The following LARP1B variants were observed in gnomAD, a reference collection of about 807,000 sequenced individuals.
The protein encoded by LARP1B is la-related protein 1B.
In LARP1B, 76 loss-of-function variants were observed where a neutral mutation model predicts 114.2. The observed-to-expected ratio is 0.67, with a 90% CI of 0.55 to 0.81. The LOEUF (loss-of-function observed/expected upper bound fraction) is 0.81, where lower values mean the gene tolerates loss of function less well. Ranked by LOEUF, LARP1B falls within the 30% of genes least tolerant of loss-of-function variation. The pLI is 0.00. For synonymous variants in LARP1B, 345 were observed against 348.0 expected (o/e 0.99, Z 0.10); for missense variants, 1,014 against 1,075.8 (o/e 0.94, Z 0.80).
chr4:128,105,903 T>C (rs1781905324), intron 8 of LARP1B, among the ~76,000 whole-genome samples: 1 of 151,738 alleles, frequency 6.6e-6, no homozygotes, highest in Non-Finnish European at 1.5e-5. Flanking sequence ...AAAATAAAAA[T>C]AATAATAATA....
intron 17 of LARP1B, among the ~76,000 whole-genome samples, chr4:128,203,937 G>A (rs1005940628): frequency 2.0e-5 from 3 of 152,188 alleles, no homozygotes; most frequent in African/African-American, 7.2e-5. Flanking sequence ...CCTCTGAGCT[G>A]TCTTGCAGTT....
intron 4 of LARP1B, 68 bp downstream of exon 4, chr4:128,078,030 C>T: frequency 9.6e-7 from 1 of 1,040,104 alleles, no homozygotes; most frequent in South Asian, 2.3e-5. Flanking sequence ...AATTACATTT[C>T]ATTAACTGAT....
In LARP1B at chr4:128,206,408, C is replaced by T; in HGVS notation, c.2310-20C>T. The T allele has an allele frequency of 2.8e-6, 4 of 1,428,664 alleles. No homozygotes were observed. Among genetic ancestry groups the T allele is most frequent in the South Asian group, 1.3e-5 (1 of 75,478 alleles). The allele number at this position is 1,428,664 out of a possible 1,614,324, so 88.5% of individuals were successfully genotyped here. ...AGAGATATTGTATTTTATTATAAAC[C>T]TTTTATTTTCTCTTTATAGGTATGG... is the stretch of plus-strand genomic sequence containing the variant. On this transcript the variant is annotated intron_variant, in intron 17 of 19. Transcript: ENST00000326639.
intron 9 of LARP1B, among the ~76,000 whole-genome samples, chr4:128,111,753 C>T (rs1031609142): frequency 1.3e-5 from 2 of 152,112 alleles, no homozygotes; most frequent in African/African-American, 4.8e-5. Flanking sequence ...AGTGCAGTGG[C>T]TCACTGCAAC....
chr4:128,127,648 A>G (rs1398103512), intron 11 of LARP1B, among the ~76,000 whole-genome samples: 1 of 152,202 alleles, frequency 6.6e-6, no homozygotes, highest in Non-Finnish European at 1.5e-5. Flanking sequence ...AGCCTGACCA[A>G]CATGGTGAAA....
intron 9 of LARP1B, chr4:128,107,870 AAAC>A: frequency 3.9e-6 from 6 of 1,535,836 alleles, no homozygotes; most frequent in Non-Finnish European, 5.2e-6. Context: ...ATGTGTGCTT[AAAC>A]TTTTTTCAGT....
downstream of LARP1B, among the ~76,000 whole-genome samples, chr4:128,212,987 C>G (rs931890912): frequency 1.5e-5 from 2 of 135,974 alleles, no homozygotes; most frequent in African/African-American, 5.5e-5. Flanking sequence ...GACGCGATCT[C>G]GTCTCACTGC....
At chr4:128,080,638 T>C (rs916721001) in intron 4 of LARP1B, among the ~76,000 whole-genome samples, 1 of 152,210 alleles carries the variant, frequency 6.6e-6, no homozygotes, top group East Asian at 1.9e-4. Flanking sequence ...GGCAGAATAC[T>C]GAACATTTTG....
At chr4:128,099,766 AT>A (rs1308003211) in intron 8 of LARP1B, among the ~76,000 whole-genome samples, 1 of 152,012 alleles carries the variant, frequency 6.6e-6, no homozygotes, top group Non-Finnish European at 1.5e-5. Context: ...AATATCTAGT[AT>A]TGTGATTGCT....
At chr4:128,110,480 C>T (rs1196602042) in intron 9 of LARP1B, among the ~76,000 whole-genome samples, 3 of 149,270 alleles carry the variant, frequency 2.0e-5, no homozygotes, top group East Asian at 2.0e-4. Flanking sequence ...GAGACCATCC[C>T]GGCTAAAAAA....
At position 128,120,137 on chromosome 4, in the gene LARP1B, AGTT is replaced by A. The variant is rs138581968; in HGVS notation, c.1162-1682_1162-1680del. On this transcript the variant is annotated intron_variant, in intron 10 of 19. Transcript: ENST00000326639. ...TAGAATGTGAGCTCCATCAGGGCAT[AGTT>A]GTTGTTAAATTTATTGCTGTCTGTC... Among the ~76,000 whole-genome samples the A allele has an allele frequency of 1.3e-3, 195 of 152,282 alleles. 4 individuals are homozygous for A. In the East Asian group the frequency reaches 0.031, roughly 25 times the overall value.
At chr4:128,096,470 G>A (rs1168167230) in intron 7 of LARP1B, among the ~76,000 whole-genome samples, 4 of 152,096 alleles carry the variant, frequency 2.6e-5, no homozygotes, top group African/African-American at 9.7e-5. Context: ...TCTCGGAAAG[G>A]TTAAGTGGGT....
chr4:128,168,988 A>T (rs1449933133), intron 12 of LARP1B, among the ~76,000 whole-genome samples: 2 of 152,168 alleles, frequency 1.3e-5, no homozygotes, highest in East Asian at 3.8e-4. Flanking sequence ...TTTAAGAAAC[A>T]TAAGACTAAG....
At chr4:128,219,282 A>T (rs1241313333) in intron 6 of LARP1B, among the ~76,000 whole-genome samples, 5 of 117,942 alleles carry the variant, frequency 4.2e-5, no homozygotes, top group Admixed American at 2.8e-4. Flanking sequence ...TGACCCAGCC[A>T]TCCCATTACT....
chr4:128,166,933 T>C (rs933453937), intron 12 of LARP1B, among the ~76,000 whole-genome samples: 2 of 27,162 alleles, frequency 7.4e-5, no homozygotes, highest in African/African-American at 2.5e-4. Flanking sequence ...TATTCTATTC[T>C]CTCTCTCTCT....
intron 3 of LARP1B, among the ~76,000 whole-genome samples, chr4:128,076,270 G>A (rs1302354062): frequency 2.6e-5 from 4 of 152,224 alleles, no homozygotes; most frequent in Non-Finnish European, 4.4e-5. Context: ...CTCCCAAAGT[G>A]CTGGGATTAC....
At chr4:128,214,623 T>C (rs1463229720), downstream of LARP1B, among the ~76,000 whole-genome samples, 19 of 134,574 alleles carry the variant, frequency 1.4e-4, no homozygotes, top group Non-Finnish European at 1.9e-4. Flanking sequence ...AAAGGACATC[T>C]ACACCGAAAA....
chr4:128,199,345 A>G (rs1755215587), intron 15 of LARP1B, 94 bp from the exon 16 acceptor site: 1 of 959,520 alleles, frequency 1.0e-6, no homozygotes. Context: ...TCCACTGCTT[A>G]GACCCCCAAT....
intron 10 of LARP1B, among the ~76,000 whole-genome samples, chr4:128,120,995 G>A (rs12647194): frequency 2.0e-5 from 3 of 151,514 alleles, no homozygotes; most frequent in Middle Eastern, 3.4e-3. Flanking sequence ...ATTTTTAGTA[G>A]AGACGGGGTT....
Sources: gnomAD v4.1 joint callset for allele counts (sites outside exome capture counted in the v4.1 genomes callset) on GRCh38, gnomAD v4.1.1 for gene constraint, MANE v1.5 for transcripts, NCBI Gene and HGNC (gene_info 2026-07-23, HGNC 2026-07-21) for gene names.